TAF3: variants seen among roughly 807,000 people sequenced by gnomAD.
TAF3 encodes the protein transcription initiation factor TFIID subunit 3.
Under a neutral mutation model 80.6 loss-of-function variants are expected in TAF3, and 7 were observed. The observed-to-expected ratio is 0.09, with a 90% confidence interval of 0.05 to 0.16. The LOEUF is 0.16. Ranked by LOEUF, TAF3 falls within the 10% of genes least tolerant of loss-of-function variation. TAF3 has a pLI of 1.00. For missense variants in TAF3, 921 were observed against 1,140.2 expected (o/e 0.81, Z 2.77); for synonymous variants, 444 against 446.1 (o/e 1.00, Z 0.06).
chr10:7,991,052 T>C (rs111549253), intron 4 of TAF3, among the ~76,000 whole-genome samples: 4 of 152,180 alleles, frequency 2.6e-5, no homozygotes, highest in African/African-American at 9.6e-5. Flanking sequence ...TTCTCTTTTC[T>C]TTTTTTTCTC....
At chr10:7,841,853 A>T (rs745786023) in intron 2 of TAF3, among the ~76,000 whole-genome samples, 2 of 152,246 alleles carry the variant, frequency 1.3e-5, no homozygotes, top group Non-Finnish European at 2.9e-5. Flanking sequence ...GTCTGCAGGC[A>T]ATCCTCTAAC....
At chr10:7,853,135 A>G (rs1346859148) in intron 2 of TAF3, among the ~76,000 whole-genome samples, 1 of 152,208 alleles carries the variant, frequency 6.6e-6, no homozygotes, top group African/African-American at 2.4e-5. Context: ...GTCAGTTTAT[A>G]GGCTGGTTGT....
At chr10:7,923,433 G>A (rs1353077451) in intron 2 of TAF3, among the ~76,000 whole-genome samples, 3 of 151,912 alleles carry the variant, frequency 2.0e-5, no homozygotes, top group Admixed American at 6.6e-5. Flanking sequence ...TTTAATATCT[G>A]TATTCTGTAA....
intron 2 of TAF3, among the ~76,000 whole-genome samples, chr10:7,829,354 A>G (rs904457194): frequency 1.3e-5 from 2 of 152,142 alleles, no homozygotes; most frequent in African/African-American, 2.4e-5. Context: ...CTGTATTGAC[A>G]TTCCTTAGTT....
intron 2 of TAF3, among the ~76,000 whole-genome samples, chr10:7,909,313 C>T (rs115891726): frequency 4.7e-4 from 71 of 152,322 alleles, no homozygotes; most frequent in African/African-American, 1.6e-3. Context: ...GGTGTACATG[C>T]ACCCTAGTCA....
chr10:7,900,829 G>T (rs1424014764), intron 2 of TAF3, among the ~76,000 whole-genome samples: 1 of 152,090 alleles, frequency 6.6e-6, no homozygotes, highest in Non-Finnish European at 1.5e-5. Flanking sequence ...ATTTTGATTA[G>T]AAGCACATGG....
chr10:8,012,667 T>A (rs755711782), intron 5 of TAF3, among the ~76,000 whole-genome samples: 4 of 152,206 alleles, frequency 2.6e-5, no homozygotes, highest in Non-Finnish European at 5.9e-5. Flanking sequence ...GGGTCAGAGA[T>A]GTAGTTGCCC....
intron 4 of TAF3, among the ~76,000 whole-genome samples, chr10:7,994,843 C>T (rs370226181): frequency 2.7e-5 from 4 of 149,592 alleles, no homozygotes; most frequent in African/African-American, 7.4e-5. Context: ...GGTGTGGTGG[C>T]GCATGCCTGT....
intron 2 of TAF3, among the ~76,000 whole-genome samples, chr10:7,911,660 C>T (rs551367956): frequency 5.3e-5 from 8 of 152,322 alleles, no homozygotes; most frequent in Admixed American, 1.3e-4. Flanking sequence ...TCATCCTGAA[C>T]GTACGCTTAG....
chr10:7,957,643 T>C (rs934648639), intron 2 of TAF3, among the ~76,000 whole-genome samples: 4 of 152,196 alleles, frequency 2.6e-5, no homozygotes, highest in Admixed American at 1.3e-4. Context: ...TTTTTTTCAA[T>C]ATTTGTTTCT....
At chr10:7,991,355 AATTT>A (rs1304576085) in intron 4 of TAF3, among the ~76,000 whole-genome samples, 5 of 152,162 alleles carry the variant, frequency 3.3e-5, no homozygotes, top group Admixed American at 6.5e-5. Context: ...TTCATTAAAT[AATTT>A]ATTAATGTTT....
chr10:8,010,229 T>G (rs2131442225), intron 5 of TAF3, among the ~76,000 whole-genome samples: 1 of 152,312 alleles, frequency 6.6e-6, no homozygotes, highest in African/African-American at 2.4e-5. Flanking sequence ...TTCATTGCAG[T>G]TTTTCACTGC....
chr10:7,905,872 G>T (rs1837604266), intron 2 of TAF3, among the ~76,000 whole-genome samples: 1 of 151,018 alleles, frequency 6.6e-6, no homozygotes, highest in African/African-American at 2.5e-5. Context: ...GATAGTGCAA[G>T]AATCTGTCTA....
At chr10:7,824,075 A>C (rs973967293) in intron 1 of TAF3, among the ~76,000 whole-genome samples, 3 of 152,114 alleles carry the variant, frequency 2.0e-5, no homozygotes, top group African/African-American at 7.2e-5. Context: ...ATAATAGCTA[A>C]TCATGAATGT....
At position 7,818,522 on chromosome 10, in the gene TAF3, G is replaced by A. The variant is rs1282685978; in HGVS notation, c.-188G>A. The A allele has an allele frequency of 2.4e-5, 13 of 534,520 alleles. No homozygotes were observed. In the East Asian group the frequency reaches 4.2e-4, roughly 17 times the overall value. 33.1% of individuals were successfully genotyped at this position (534,520 alleles called of 1,614,324 possible). ...GGCCGTCCAGCGGGAGGCGGAGCGAGTCCAAAATGGCGGCTCTCAGGCTGG... is the reference window on the plus strand; with the variant it reads ...GGCCGTCCAGCGGGAGGCGGAGCGAATCCAAAATGGCGGCTCTCAGGCTGG... On this transcript the variant is annotated 5_prime_UTR_variant, in exon 1 of 7. Coordinates refer to ENST00000344293, the MANE Select transcript of TAF3 (RefSeq NM_031923.4).
intron 3 of TAF3, among the ~76,000 whole-genome samples, chr10:7,976,413 A>ATTT (rs1220558314): frequency 1.6e-5 from 2 of 128,648 alleles, no homozygotes; most frequent in African/African-American, 5.8e-5. Context: ...TGACTGGCTA[A>ATTT]TTTTTTTTTT....
chr10:8,007,120 G>C (rs1338701755), intron 4 of TAF3, among the ~76,000 whole-genome samples: 2 of 152,166 alleles, frequency 1.3e-5, no homozygotes, highest in Non-Finnish European at 2.9e-5. Flanking sequence ...CAGTGTGTAA[G>C]TTTACAAGTG....
At chr10:7,907,687 T>C (rs1486688887) in intron 2 of TAF3, among the ~76,000 whole-genome samples, 5 of 152,220 alleles carry the variant, frequency 3.3e-5, no homozygotes, top group African/African-American at 4.8e-5. Flanking sequence ...CTGCCCATTT[T>C]AATACATGCA....
chr10:7,893,903 A>T (rs544834890), intron 2 of TAF3, among the ~76,000 whole-genome samples: 60 of 152,006 alleles, frequency 3.9e-4, no homozygotes, highest in Non-Finnish European at 5.9e-4. Flanking sequence ...TTCTCAAAAG[A>T]CCCCTTAAGA....
Sources: gnomAD v4.1 joint callset for allele counts (sites outside exome capture counted in the v4.1 genomes callset) on GRCh38, gnomAD v4.1.1 for gene constraint, MANE v1.5 for transcripts, NCBI Gene and HGNC (gene_info 2026-07-23, HGNC 2026-07-21) for gene names.